The following UGT1A8 variants were observed in gnomAD, a reference collection of about 807,000 sequenced individuals.
UGT1A8 encodes UDP-glucuronosyltransferase 1A8.
A neutral mutation model predicts 45.3 loss-of-function variants in UGT1A8; 39 were observed. That is an observed-to-expected ratio of 0.86 (90% CI 0.67 to 1.12). UGT1A8 has a LOEUF of 1.12. Among genes scored for constraint, UGT1A8 ranks in the 50% most tolerant of loss-of-function variants. UGT1A8 has a pLI of 0.00. For synonymous variants in UGT1A8, 275 were observed against 249.2 expected (o/e 1.10, Z -0.97); for missense variants, 719 against 664.9 (o/e 1.08, Z -0.90).
chr2:233,649,964 GT>G (rs927677816), intron 1 of UGT1A8, among the ~76,000 whole-genome samples: 1 of 152,002 alleles, frequency 6.6e-6, no homozygotes, highest in African/African-American at 2.4e-5. Context: ...ATACTTCAAG[GT>G]TTTTTGTTTG....
At chr2:233,672,332 T>G (rs973334841) in intron 1 of UGT1A8, 1 of 1,614,046 alleles carries the variant, frequency 6.2e-7, no homozygotes, top group Non-Finnish European at 8.5e-7. Context: ...GACAAAAAAT[T>G]AGTAGAATAC....
At chr2:233,693,710 G>C (rs1398840706) in intron 1 of UGT1A8, 3 of 1,614,218 alleles carry the variant, frequency 1.9e-6, no homozygotes, top group Non-Finnish European at 2.5e-6. Context: ...CGCATCAGCT[G>C]TCCTCAAGAG....
rs879478240 is a variant in UGT1A8, at chr2:233,725,179, G to GAGAGGC, written c.856-41819_856-41814dup. On this transcript the variant is annotated intron_variant, in intron 1 of 4. Coordinates refer to ENST00000373450, the MANE Select transcript of UGT1A8 (RefSeq NM_019076.5). ...CTCTGCATGAGAGGGAGACCGTGGGGAGAGGCAGAGGCAGAGGCAGAGGCA... is the reference window on the plus strand; with the variant it reads ...CTCTGCATGAGAGGGAGACCGTGGGGAGAGGCAGAGGCAGAGGCAGAGGCAGAGGCA... Among the ~76,000 whole-genome samples the GAGAGGC allele has an allele frequency of 9.9e-4, 67 of 67,614 alleles. 14 individuals carry two copies. The highest frequency in any genetic ancestry group is 3.6e-3 in the East Asian group (12 of 3,306). 44.4% of individuals were successfully genotyped at this position (67,614 alleles called of 152,430 possible). A position where few individuals can be genotyped will look rare whatever the true frequency, so the allele number is the denominator to read the frequency against.
intron 1 of UGT1A8, among the ~76,000 whole-genome samples, chr2:233,738,179 C>T (rs577754213): frequency 2.6e-5 from 4 of 152,258 alleles, no homozygotes; most frequent in African/African-American, 4.8e-5. Context: ...TCATGTAAGA[C>T]GTGTCTTTGC....
rs1224727482 is a variant in UGT1A8, at chr2:233,769,496, T to C, written c.1295+1057T>C. 1 of 1,612,570 alleles carries C rather than the reference T, an allele frequency of 6.2e-7. No homozygotes were observed. The highest frequency in any genetic ancestry group is 8.5e-7 in the Non-Finnish European group (1 of 1,179,780). Reference sequence around the variant, plus strand: ...GTGTGTGTGCGTGTGTTTATGAGAGTGTCCATTGCTTTCTCCCATGGTTAC... The same window carrying C: ...GTGTGTGTGCGTGTGTTTATGAGAGCGTCCATTGCTTTCTCCCATGGTTAC... On this transcript the variant is annotated intron_variant, in intron 4 of 4. Coordinates refer to ENST00000373450, the MANE Select transcript of UGT1A8 (RefSeq NM_019076.5). The surrounding 1 kb of genome is among the most constrained non-coding windows in gnomAD (Gnocchi z 4.4).
chr2:233,688,618 A>T (rs183545370), intron 1 of UGT1A8, among the ~76,000 whole-genome samples: 49 of 152,324 alleles, frequency 3.2e-4, no homozygotes, highest in Admixed American at 2.9e-3. Context: ...CTCAGCAAAC[A>T]TGAGTTCGTC....
intron 1 of UGT1A8, chr2:233,747,375 G>C: frequency 6.2e-7 from 1 of 1,604,748 alleles, no homozygotes; most frequent in African/African-American, 1.3e-5. Flanking sequence ...CCATGCCAGA[G>C]GCCACCAGGC....
At position 233,767,094 on chromosome 2, in the gene UGT1A8, T is replaced by C; in HGVS notation, c.916T>C (p.Ser306Pro). The change falls in exon 2 of 5, where the codon TCA (serine) becomes CCA (proline). Residue 306 changes from serine (S) to proline (P), a missense_variant. Ser to Pro is a moderately conservative substitution (Grantham distance 74). Transcript: ENST00000373450. ...EHGIVVFSLG[S>P]MVSEIPEKKA... is the part of the protein sequence containing the mutation. The stretch of plus-strand genomic sequence containing the variant: ...TGGAATTGTGGTTTTCTCTTTGGGA[T>C]CAATGGTCTCAGAAATTCCAGAGAA... The C allele has an allele frequency of 1.2e-6, 2 of 1,614,120 alleles. No individual in the cohort carries two copies. The highest frequency in any genetic ancestry group is 1.7e-6 in the Non-Finnish European group (2 of 1,180,014).
Position 233,682,788 on chromosome 2 carries a change from C to A in UGT1A8, c.855+64226C>A, listed in dbSNP as rs757573093. 1.4e-5 allele frequency: 22 copies of A among 1,611,778 alleles called. 1 individual carries two copies. In the Admixed American group the frequency reaches 3.3e-4, roughly 24 times the overall value. The stretch of plus-strand genomic sequence containing the variant: ...AACTGTCATCAGGGAAAGCCAGTGC[C>A]TATGGTAAGTTATCTCCCCTTTAGC... On this transcript the variant is annotated intron_variant, in intron 1 of 4. Coordinates refer to ENST00000373450, the MANE Select transcript of UGT1A8 (RefSeq NM_019076.5).
intron 1 of UGT1A8, among the ~76,000 whole-genome samples, chr2:233,626,304 G>C (rs1250245544): frequency 6.6e-6 from 1 of 151,796 alleles, no homozygotes; most frequent in African/African-American, 2.4e-5. Flanking sequence ...ATTGTGTAAG[G>C]CCATTTTTTT....
chr2:233,681,473 G>A (rs923534555), intron 1 of UGT1A8, among the ~76,000 whole-genome samples: 2 of 144,586 alleles, frequency 1.4e-5, no homozygotes, highest in Non-Finnish European at 3.0e-5. Context: ...GGAGGTTGCA[G>A]TGAGCCTAGA....
At chr2:233,748,105 C>T in intron 1 of UGT1A8, 1 of 1,612,580 alleles carries the variant, frequency 6.2e-7, no homozygotes, top group Non-Finnish European at 8.5e-7. Flanking sequence ...TTCATCCAAT[C>T]AATGTTCCAG....
intron 1 of UGT1A8, chr2:233,761,293 G>T (rs1697736724): frequency 6.6e-7 from 1 of 1,522,496 alleles, no homozygotes; most frequent in African/African-American, 1.4e-5. Context: ...TTGACTCCTA[G>T]GTTTGAGTCT....
chr2:233,718,917 G>A (rs754582990), intron 1 of UGT1A8: 1 of 1,614,108 alleles, frequency 6.2e-7, no homozygotes. Flanking sequence ...AAAGGTGTTG[G>A]TGGTGCCCAC....
At chr2:233,719,039 A>G in intron 1 of UGT1A8, 1 of 1,614,110 alleles carries the variant, frequency 6.2e-7, no homozygotes, top group Non-Finnish European at 8.5e-7. Context: ...AAGAAGAGAA[A>G]TTTTTCACCC....
chr2:233,760,775 A>G, intron 1 of UGT1A8: 2 of 1,613,738 alleles, frequency 1.2e-6, no homozygotes, highest in Non-Finnish European at 1.7e-6. Context: ...GTGGCCCAGT[A>G]CCTGTCTCTG....
At chr2:233,624,240 TG>T (rs2073058705) in intron 1 of UGT1A8, among the ~76,000 whole-genome samples, 1 of 152,126 alleles carries the variant, frequency 6.6e-6, no homozygotes. Flanking sequence ...GTAGTCATCA[TG>T]TCTCCTTAGT....
At position 233,627,533 on chromosome 2, in the gene UGT1A8, C is replaced by A. The variant is rs980527063; in HGVS notation, c.855+8971C>A. ...TTAAAGCTGCATTTTCAATATGAGA[C>A]AAAAACGTATTTCAGAAAAAAATGC... On this transcript the variant is annotated intron_variant, in intron 1 of 4. Transcript: ENST00000373450. Among the ~76,000 whole-genome samples the A allele has an allele frequency of 2.6e-5, 4 of 151,942 alleles. 1 individual carries two copies. Among genetic ancestry groups the A allele is most frequent in the Non-Finnish European group, 2.9e-5 (2 of 67,960 alleles).
chr2:233,730,485 A>C (rs879945186), intron 1 of UGT1A8, among the ~76,000 whole-genome samples: 5 of 152,208 alleles, frequency 3.3e-5, no homozygotes, highest in Non-Finnish European at 7.3e-5. Context: ...CTCACATGAA[A>C]TAGAAGTGTC....
Sources: gnomAD v4.1 joint callset for allele counts (sites outside exome capture counted in the v4.1 genomes callset) on GRCh38, gnomAD v4.1.1 for gene constraint, Gnocchi (gnomAD v3.1) non-coding constraint, MANE v1.5 for transcripts, NCBI Gene and HGNC (gene_info 2026-07-23, HGNC 2026-07-21) for gene names.